Variants in STAT3 observed in about 807,000 individuals in gnomAD.
STAT3 encodes the protein signal transducer and activator of transcription 3.
Under a neutral mutation model 114.3 loss-of-function variants are expected in STAT3, and 7 were observed. The ratio of observed to expected loss-of-function variants is 0.06; its 90% CI spans 0.03 to 0.11. The LOEUF (loss-of-function observed/expected upper bound fraction) is 0.11, where lower values mean the gene tolerates loss of function less well. Ranked by LOEUF, STAT3 falls within the 10% of genes least tolerant of loss-of-function variation. The probability of loss-of-function intolerance (pLI) is 1.00; values close to 1 mark genes in which losing one functional copy is unlikely to be tolerated. For missense variants in STAT3, 364 were observed against 960.9 expected (o/e 0.38, Z 8.21); for synonymous variants, 331 against 354.5 (o/e 0.93, Z 0.74).
intron 1 of STAT3, among the ~76,000 whole-genome samples, chr17:42,365,697 C>A (rs2083750528): frequency 6.7e-6 from 1 of 149,450 alleles, no homozygotes; most frequent in African/African-American, 2.5e-5. Context: ...GCTCTGTTGC[C>A]CAGGATGGAG....
intron 4 of STAT3, chr17:42,345,351 G>A (rs2082648648): frequency 3.6e-6 from 2 of 560,114 alleles, no homozygotes; most frequent in South Asian, 4.7e-5. Flanking sequence ...TTCTTTTGGT[G>A]GAACTTTCTT....
chr17:42,379,248 C>T (rs548180985), intron 1 of STAT3, among the ~76,000 whole-genome samples: 3 of 152,270 alleles, frequency 2.0e-5, no homozygotes, highest in South Asian at 2.1e-4. Context: ...CTTCCTGCCC[C>T]GCATACGGCC....
At position 42,323,373 on chromosome 17, in the gene STAT3, G is replaced by A. The variant is rs771136253; in HGVS notation, c.1654-19C>T. The A allele has an allele frequency of 1.2e-6, 2 of 1,613,520 alleles. No homozygotes were observed. The highest frequency in any genetic ancestry group is 4.5e-5 in the East Asian group (2 of 44,890). Reference sequence around the variant, plus strand: ...TGTTTTCCTGGAGAAAAGAGTAATGGGAAAGCCAAGTCTACTGCCATCCCA... The same window carrying A: ...TGTTTTCCTGGAGAAAAGAGTAATGAGAAAGCCAAGTCTACTGCCATCCCA... On this transcript the variant is annotated intron_variant, in intron 18 of 23. Coordinates refer to ENST00000264657, the MANE Select transcript of STAT3 (RefSeq NM_139276.3).
chr17:42,323,532 G>A (rs1029402513), intron 18 of STAT3, 41 bp downstream of exon 18: 20 of 1,608,434 alleles, frequency 1.2e-5, no homozygotes, highest in East Asian at 2.2e-5. Flanking sequence ...CCGTGCAGGT[G>A]AGCATTCCCA....
chr17:42,386,149 C>T (rs1352267723), intron 1 of STAT3, among the ~76,000 whole-genome samples: 2 of 151,962 alleles, frequency 1.3e-5, no homozygotes, highest in Non-Finnish European at 2.9e-5. Flanking sequence ...GGCGTGGTGG[C>T]GCACGCCTGT....
chr17:42,366,439 G>A (rs1159455012), intron 1 of STAT3, among the ~76,000 whole-genome samples: 2 of 152,192 alleles, frequency 1.3e-5, no homozygotes, highest in African/African-American at 4.8e-5. Flanking sequence ...AGGAGGCTGA[G>A]GCGGGTGGAT....
intron 1 of STAT3, among the ~76,000 whole-genome samples, chr17:42,374,514 G>A (rs1283984740): frequency 6.6e-6 from 1 of 151,098 alleles, no homozygotes; most frequent in Non-Finnish European, 1.5e-5. Context: ...GGAGCCTGAG[G>A]CAGGAGAATC....
chr17:42,325,162 G>T, intron 15 of STAT3, 101 bp from the exon 16 acceptor site: 2 of 1,144,550 alleles, frequency 1.7e-6, no homozygotes, highest in Non-Finnish European at 2.6e-6. Context: ...GAAAGGACAT[G>T]CCATAAACCA....
chr17:42,365,649 T>TG (rs1402970335), intron 1 of STAT3, among the ~76,000 whole-genome samples: 54 of 146,396 alleles, frequency 3.7e-4, no homozygotes, highest in East Asian at 1.2e-3. Context: ...GTTTTTTTTT[T>TG]TTGTTTTTTT....
chr17:42,326,030 C>T (rs1274158245), intron 15 of STAT3, 86 bp downstream of exon 15: 2 of 1,219,558 alleles, frequency 1.6e-6, no homozygotes, highest in Non-Finnish European at 2.4e-6. Context: ...AATCATTCCA[C>T]CTTCTCTTGT....
In STAT3 at chr17:42,344,394, C is replaced by T. The variant is rs560952206; in HGVS notation, c.372+1165G>A. ...CTGAGATCACGCCACTGCACTCCAG[C>T]CTGGCAACAGAGCAAGACTCTGTCT... On this transcript the variant is annotated intron_variant, in intron 4 of 23. Coordinates refer to ENST00000264657, the MANE Select transcript of STAT3 (RefSeq NM_139276.3). Among the ~76,000 whole-genome samples the T allele has an allele frequency of 1.0e-4, 15 of 145,496 alleles. No individual in the cohort carries two copies. The South Asian group carries it at 2.8e-3, about 27-fold the overall frequency.
At chr17:42,357,672 C>G (rs1253412728) in intron 1 of STAT3, among the ~76,000 whole-genome samples, 1 of 151,810 alleles carries the variant, frequency 6.6e-6, no homozygotes, top group Non-Finnish European at 1.5e-5. Context: ...AACTCCATCT[C>G]AAAAAATAAA....
chr17:42,328,059 A>AAAAGAAG (rs57231968), intron 14 of STAT3, among the ~76,000 whole-genome samples: 1 of 151,922 alleles, frequency 6.6e-6, no homozygotes, highest in African/African-American at 2.4e-5. Flanking sequence ...GAAAAAAGAA[A>AAAAGAAG]TTAAATTATA....
chr17:42,357,606 A>G (rs1024710188), intron 1 of STAT3, among the ~76,000 whole-genome samples: 4 of 152,298 alleles, frequency 2.6e-5, no homozygotes, highest in African/African-American at 7.2e-5. Context: ...CGCGAGGCAG[A>G]GGTTGCAGTG....
chr17:42,384,120 A>ATT (rs1369350071), intron 1 of STAT3, among the ~76,000 whole-genome samples: 5 of 82,092 alleles, frequency 6.1e-5, no homozygotes, highest in African/African-American at 1.7e-4. Context: ...TTATTTATTT[A>ATT]TTTATTTATT....
intron 21 of STAT3, among the ~76,000 whole-genome samples, chr17:42,318,777 C>G (rs1180219861): frequency 6.6e-6 from 1 of 152,146 alleles, no homozygotes; most frequent in Non-Finnish European, 1.5e-5. Flanking sequence ...TGCAGAGTGG[C>G]TCTTGGGCTG....
intron 1 of STAT3, among the ~76,000 whole-genome samples, chr17:42,380,579 G>T (rs1261918635): frequency 1.3e-5 from 2 of 150,510 alleles, no homozygotes; most frequent in African/African-American, 4.9e-5. Context: ...GAGACGGGGG[G>T]GGTCTCACTC....
intron 1 of STAT3, among the ~76,000 whole-genome samples, chr17:42,356,835 T>C (rs1379457233): frequency 6.6e-6 from 1 of 152,028 alleles, no homozygotes; most frequent in Non-Finnish European, 1.5e-5. Context: ...TTGCCCAGGC[T>C]AGAGTGCAGT....
chr17:42,370,243 C>T (rs569888463), intron 1 of STAT3, among the ~76,000 whole-genome samples: 40 of 150,842 alleles, frequency 2.7e-4, no homozygotes, highest in African/African-American at 9.7e-4. Context: ...TGAGCCACCA[C>T]ACCCAGCCTT....
Sources: allele counts gnomAD v4.1 joint callset (sites outside exome capture counted in the v4.1 genomes callset), GRCh38; gene constraint gnomAD v4.1.1; transcripts MANE v1.5; gene names NCBI Gene and HGNC (gene_info 2026-07-23, HGNC 2026-07-21).